Variants in LRP10 observed in about 807,000 individuals in gnomAD.
LRP10 encodes LDL receptor related protein 10.
In LRP10, 42 loss-of-function variants were observed where a neutral mutation model predicts 58.5. The observed-to-expected ratio is 0.72, with a 90% CI of 0.56 to 0.93. The LOEUF is 0.93. Ranked by LOEUF, LRP10 falls within the 40% of genes least tolerant of loss-of-function variation. The pLI is 0.00. For synonymous variants in LRP10, 377 were observed against 388.5 expected (o/e 0.97, Z 0.35); for missense variants, 872 against 940.1 (o/e 0.93, Z 0.95).
chr14:22,876,670 C>A lies in LRP10; in HGVS notation c.1425-19C>A. The A allele has an allele frequency of 6.2e-7, 1 of 1,611,056 alleles. No individual in the cohort carries two copies. Among genetic ancestry groups the A allele is most frequent in the Non-Finnish European group, 8.5e-7 (1 of 1,178,382 alleles). ...TGGCCGAGAACTACCAGTGACTGAG[C>A]AGTCCTCATTCCTTCTAGCATCTTT... On this transcript the variant is annotated intron_variant, in intron 5 of 6. Transcript: ENST00000359591.
chr14:22,876,600 C>A, intron 5 of LRP10, 89 bp from the exon 6 acceptor site: 2 of 1,532,702 alleles, frequency 1.3e-6, no homozygotes, highest in Admixed American at 1.9e-5. Context: ...TGGCCTGGCC[C>A]GGGTGTGGAA....
Position 22,877,532 on chromosome 14 carries a change from A to T in LRP10, c.*5A>T. 1 of 1,582,348 alleles carries T rather than the reference A, an allele frequency of 6.3e-7. No individual in the cohort carries two copies. Among genetic ancestry groups the T allele is most frequent in the South Asian group, 1.1e-5 (1 of 87,508 alleles). ...GATGAGCCACTGCTTACCTGAGGGG[A>T]CCTGGGGGCTCTACTGAGGCCTCTC... is the stretch of plus-strand genomic sequence containing the variant. On this transcript the variant is annotated 3_prime_UTR_variant, in exon 7 of 7. Transcript: ENST00000359591. The surrounding 1 kb of genome is among the most constrained non-coding windows in gnomAD (Gnocchi z 5.1).
chr14:22,877,342 G>A lies in LRP10; in HGVS notation c.1957G>A (p.Gly653Arg), dbSNP rs1194804161. The A allele has an allele frequency of 6.2e-7, 1 of 1,612,790 alleles. No individual in the cohort carries two copies. Among genetic ancestry groups the A allele is most frequent in the African/African-American group, 1.3e-5 (1 of 74,920 alleles). The change falls in exon 7 of 7, where the codon GGA becomes AGA. Residue 653 changes from glycine to arginine, a missense_variant. Gly to Arg is a moderately radical substitution (Grantham distance 125). Transcript: ENST00000359591. This position sits in a 1 kb window ranked among gnomAD's most constrained non-coding sequence, Gnocchi z 5.1. ...SLPLEPSLLS[G>R]VVQALRGRLL... ...GCCCCTAGAGCCATCACTATTGTCT[G>A]GAGTGGTGCAGGCCCTGCGAGGCCG...
chr14:22,875,904 C>T lies in LRP10; in HGVS notation c.956C>T (p.Ser319Phe). 3 of 1,613,530 alleles carry T rather than the reference C, an allele frequency of 1.9e-6. No homozygotes were observed. Among genetic ancestry groups the T allele is most frequent in the South Asian group, 1.1e-5 (1 of 91,090 alleles). Residue 319 changes from serine (S) to phenylalanine (F), a missense_variant, in exon 5 of 7, where the codon TCT (serine) becomes TTT (phenylalanine). Ser to Phe is a radical substitution (Grantham distance 155). Coordinates refer to ENST00000359591, the MANE Select transcript of LRP10 (RefSeq NM_014045.5). ...TGGGACAGACCCTGTGGCTTAGGCT[C>T]TGGCCTGGGAGCTGGCGAAGGCCTA... ...LPWDRPCGLG[S>F]GLGAGEGLGE...
intron 1 of LRP10, 50 bp from the exon 2 acceptor site, chr14:22,872,688 A>G (rs1420671091): frequency 3.8e-6 from 6 of 1,593,298 alleles, no homozygotes; most frequent in East Asian, 2.2e-5. Context: ...TGAAGAAGAA[A>G]ACTCCTAAGG....
chr14:22,877,097 C>T lies in LRP10; in HGVS notation c.1712C>T (p.Thr571Ile). Residue 571 changes from threonine (T) to isoleucine (I), a missense_variant, in exon 7 of 7, where the codon ACC (threonine) becomes ATC (isoleucine). Transcript: ENST00000359591. This position sits in a 1 kb window ranked among gnomAD's most constrained non-coding sequence, Gnocchi z 5.1. ...TGGGGCTTGCTCCCTCGAACCAACA[C>T]CCCGGCTCGGGCCTCTGAGGCCAGA... ...RRWGLLPRTNTPARASEARSQ... is the reference protein window; with the variant it reads ...RRWGLLPRTNIPARASEARSQ... 6.2e-7 allele frequency: 1 copy of T among 1,613,728 alleles called. No individual in the cohort carries two copies. The highest frequency in any genetic ancestry group is 8.5e-7 in the Non-Finnish European group (1 of 1,179,822).
rs760136786 is a variant in LRP10 at position 22,877,140 on chromosome 14, T to C, written c.1755T>C (p.Ser585=). Residue 585 remains serine (S), a synonymous_variant, in exon 7 of 7, where the codon TCT becomes TCC. Coordinates refer to ENST00000359591, the MANE Select transcript of LRP10 (RefSeq NM_014045.5). This position sits in a 1 kb window ranked among gnomAD's most constrained non-coding sequence, Gnocchi z 5.1. ...AGGCCAGATCCCAGGTCACACCTTC[T>C]GCTGCTCCCCTTGAGGCCCTAGATG... ...ASEARSQVTP[S]AAPLEALDGG... is the part of the protein sequence containing the mutation. 6.2e-7 allele frequency: 1 copy of C among 1,610,382 alleles called. No homozygotes were observed. Among genetic ancestry groups the C allele is most frequent in the Non-Finnish European group, 8.5e-7 (1 of 1,178,208 alleles).
chr14:22,874,756 G>A (rs776083074), intron 3 of LRP10, among the ~76,000 whole-genome samples: 5 of 152,058 alleles, frequency 3.3e-5, no homozygotes, highest in Admixed American at 1.3e-4. Context: ...GTGTGGTGGC[G>A]GGCACCTGTA....
Position 22,877,775 on chromosome 14 carries a change from C to T in LRP10, c.*248C>T. ...AGACACCCCAGTCCCTTCACCACCA[C>T]CTGCTCCCCACGCCACCACCATTTG... On this transcript the variant is annotated 3_prime_UTR_variant, in exon 7 of 7. Transcript: ENST00000359591. The surrounding 1 kb of genome is among the most constrained non-coding windows in gnomAD (Gnocchi z 5.1). 1 of 404,798 alleles carries T rather than the reference C, an allele frequency of 2.5e-6. No homozygotes were observed. The highest frequency in any genetic ancestry group is 2.0e-5 in the African/African-American group (1 of 48,892). 25.1% of individuals were successfully genotyped at this position (404,798 alleles called of 1,614,324 possible).
chr14:22,878,522 T>C lies in LRP10; in HGVS notation c.*995T>C, dbSNP rs1465703728. 6.5e-6 allele frequency: 1 copy of C among 152,724 alleles called. No homozygotes were observed. Among genetic ancestry groups the C allele is most frequent in the East Asian group, 1.9e-4 (1 of 5,200 alleles). 9.5% of individuals were successfully genotyped at this position (152,724 alleles called of 1,614,324 possible). A position where few individuals can be genotyped will look rare whatever the true frequency, so the allele number is the denominator to read the frequency against. On this transcript the variant is annotated 3_prime_UTR_variant, in exon 7 of 7. Transcript: ENST00000359591. Reference sequence around the variant, plus strand: ...CCACCAGGCATTTAGCAGTCTGTCCTATGCAAGACAGATGAATTCTCAGCC... The same window carrying C: ...CCACCAGGCATTTAGCAGTCTGTCCCATGCAAGACAGATGAATTCTCAGCC...
In LRP10 at chr14:22,875,376, A is replaced by G. The variant is rs1230838462; in HGVS notation, c.428A>G (p.Glu143Gly). 6.2e-7 allele frequency: 1 copy of G among 1,612,536 alleles called. No homozygotes were observed. Among genetic ancestry groups the G allele is most frequent in the South Asian group, 1.1e-5 (1 of 91,034 alleles). ...YSQDWLMCLQEEFQCLNHRCV... is the reference protein window; with the variant it reads ...YSQDWLMCLQGEFQCLNHRCV... ...GCAGATTGGCTGATGTGCCTGCAGGAAGAGTTTCAGTGCCTGAACCACCGC... is the reference window on the plus strand; with the variant it reads ...GCAGATTGGCTGATGTGCCTGCAGGGAGAGTTTCAGTGCCTGAACCACCGC... Residue 143 changes from glutamate to glycine, a missense_variant, in exon 5 of 7, where the codon GAA (glutamate) becomes GGA (glycine). Physicochemically the swap from Glu to Gly is moderately conservative, Grantham distance 98 (BLOSUM62 -2). Coordinates refer to ENST00000359591, the MANE Select transcript of LRP10 (RefSeq NM_014045.5).
intron 1 of LRP10, 106 bp downstream of exon 1, chr14:22,872,443 A>AGCCCCTGCCGCCAGCCCCAGCACTGCCG: frequency 8.5e-7 from 1 of 1,172,092 alleles, no homozygotes; most frequent in East Asian, 3.0e-5. Flanking sequence ...CATTCCCCCC[A>AGCCCCTGCCGCCAGCCCCAGCACTGCCG]GCCCCTGCCG....
At position 22,877,396 on chromosome 14, in the gene LRP10, C is replaced by A. The variant is rs751924404; in HGVS notation, c.2011C>A (p.Pro671Thr). The part of the protein sequence containing the change: ...RLLPSLGPPG[P>T]TRSPPGPHTA... ...GTTGCCCAGCCTGGGGCCCCCAGGA[C>A]CAACCCGGAGCCCCCCTGGACCCCA... The change falls in exon 7 of 7, where the codon CCA becomes ACA. Residue 671 changes from proline to threonine, a missense_variant. Pro to Thr is a conservative substitution (Grantham distance 38, BLOSUM62 -1). Coordinates refer to ENST00000359591, the MANE Select transcript of LRP10 (RefSeq NM_014045.5). The surrounding 1 kb of genome is among the most constrained non-coding windows in gnomAD (Gnocchi z 5.1). 3.1e-6 allele frequency: 5 copies of A among 1,613,748 alleles called. No individual in the cohort carries two copies. The highest frequency in any genetic ancestry group is 4.2e-6 in the Non-Finnish European group (5 of 1,179,850).
chr14:22,877,773 C>CG lies in LRP10; in HGVS notation c.*246_*247insG. 6 of 407,638 alleles carry CG rather than the reference C, an allele frequency of 1.5e-5. No individual in the cohort carries two copies. Among genetic ancestry groups the CG allele is most frequent in the Non-Finnish European group, 2.6e-5 (6 of 231,000 alleles). The allele number at this position is 407,638 out of a possible 1,614,324, so 25.3% of individuals were successfully genotyped here. On this transcript the variant is annotated 3_prime_UTR_variant, in exon 7 of 7. Coordinates refer to ENST00000359591, the MANE Select transcript of LRP10 (RefSeq NM_014045.5). This position sits in a 1 kb window ranked among gnomAD's most constrained non-coding sequence, Gnocchi z 5.1. ...CCAGACACCCCAGTCCCTTCACCAC[C>CG]ACCTGCTCCCCACGCCACCACCATT...
chr14:22,872,757 A>C lies in LRP10; in HGVS notation c.54A>C (p.Pro18=). The change falls in exon 2 of 7, where the codon CCA becomes CCC. Residue 18 remains proline, a synonymous_variant. Transcript: ENST00000359591. The part of the protein sequence containing the change: ...LLLLGGALAH[P]DRIIFPNHAC... ...CTCTAGGAGGCGCTCTGGCCCATCC[A>C]GACCGGATTATTTTTCCAAATCATG... 1 of 1,614,174 alleles carries C rather than the reference A, an allele frequency of 6.2e-7. No homozygotes were observed. Among genetic ancestry groups the C allele is most frequent in the South Asian group, 1.1e-5 (1 of 91,084 alleles).
rs183881730 is a variant in LRP10, at chr14:22,875,716, T to C, written c.768T>C (p.Pro256=). Residue 256 remains proline, a synonymous_variant, in exon 5 of 7, where the codon CCT becomes CCC. Transcript: ENST00000359591. ...AVHVYDGPGP[P]ESSRLLRSLT... ...ATGTGTATGACGGCCCTGGGCCCCC[T>C]GAGAGCTCCCGACTACTGCGTAGTC... The C allele has an allele frequency of 1.2e-6, 2 of 1,613,862 alleles. No homozygotes were observed. Among genetic ancestry groups the C allele is most frequent in the African/African-American group, 2.7e-5 (2 of 75,062 alleles).
intron 2 of LRP10, 93 bp downstream of exon 2, chr14:22,872,875 C>A: frequency 7.4e-7 from 1 of 1,357,384 alleles, no homozygotes; most frequent in Non-Finnish European, 1.0e-6. Context: ...TGGGACCTAC[C>A]AAAGTTTTAG....
chr14:22,875,810 C>T lies in LRP10; in HGVS notation c.862C>T (p.His288Tyr), dbSNP rs1209170891. 1.9e-6 allele frequency: 3 copies of T among 1,614,184 alleles called. No individual in the cohort carries two copies. Among genetic ancestry groups the T allele is most frequent in the Non-Finnish European group, 2.5e-6 (3 of 1,180,036 alleles). ...GTCTGGCCAGGCTGTTGTGTCCTAC[C>T]ACACAGTTGCTTGGAGCAATGGTCG... Reference protein sequence around the residue: ...TLSGQAVVSYHTVAWSNGRGF... With the variant: ...TLSGQAVVSYYTVAWSNGRGF... The change falls in exon 5 of 7, where the codon CAC becomes TAC. Residue 288 changes from histidine (H) to tyrosine (Y), a missense_variant. Transcript: ENST00000359591.
At position 22,876,796 on chromosome 14, in the gene LRP10, T is replaced by G; in HGVS notation, c.1532T>G (p.Phe511Cys). The change falls in exon 6 of 7, where the codon TTT (phenylalanine) becomes TGT (cysteine). Residue 511 changes from phenylalanine (F) to cysteine (C), a missense_variant. Coordinates refer to ENST00000359591, the MANE Select transcript of LRP10 (RefSeq NM_014045.5). ...AQGAIPPVED[F>C]PTENPNDNSV... ...GGTGCCATCCCACCTGTAGAAGACT[T>G]TCCTACAGAGAATCCTAATGATGTA... 1 of 1,613,682 alleles carries G rather than the reference T, an allele frequency of 6.2e-7. No homozygotes were observed. The highest frequency in any genetic ancestry group is 8.5e-7 in the Non-Finnish European group (1 of 1,179,812).
Sources: allele counts gnomAD v4.1 joint callset (sites outside exome capture counted in the v4.1 genomes callset), GRCh38; gene constraint gnomAD v4.1.1; non-coding constraint Gnocchi (gnomAD v3.1); transcripts MANE v1.5; gene names NCBI Gene and HGNC (gene_info 2026-07-23, HGNC 2026-07-21).